The following THUMPD3 variants were observed in gnomAD, a reference collection of about 807,000 sequenced individuals.
THUMPD3 encodes the protein tRNA (guanine(6)-N(2))-methyltransferase THUMP3.
Under a neutral mutation model 54.5 loss-of-function variants are expected in THUMPD3, and 44 were observed. That is an observed-to-expected ratio of 0.81 (90% CI 0.63 to 1.04). THUMPD3 has a LOEUF of 1.04. Ranked by LOEUF, THUMPD3 falls within the 50% of genes least tolerant of loss-of-function variation. The pLI, the probability that THUMPD3 is intolerant of heterozygous loss-of-function variation, is 0.00. For missense variants in THUMPD3, 604 were observed against 601.3 expected, an observed-to-expected ratio of 1.00 and a Z score of -0.05; for synonymous variants, 196 against 201.4, an observed-to-expected ratio of 0.97 and a Z score of 0.23.
At chr3:9,367,379 CTT>C (rs1559299685) in intron 3 of THUMPD3, among the ~76,000 whole-genome samples, 2 of 152,192 alleles carry the variant, frequency 1.3e-5, no homozygotes, top group African/African-American at 4.8e-5. Context: ...GCTTTCTTCT[CTT>C]TCTTCATTTT....
At chr3:9,380,437 T>C (rs879798607) in intron 6 of THUMPD3, 66 bp from the exon 7 acceptor site, 17 of 1,099,190 alleles carry the variant, frequency 1.5e-5, no homozygotes, top group Admixed American at 2.0e-5. Context: ...TTTCTTTGTT[T>C]GTTGACAATT....
chr3:9,384,057 C>T (rs1399043648), intron 8 of THUMPD3, among the ~76,000 whole-genome samples, 155 bp from the exon 9 acceptor site: 1 of 152,174 alleles, frequency 6.6e-6, no homozygotes, highest in African/African-American at 2.4e-5. Context: ...TTTACTAACT[C>T]AACTTATTTC....
chr3:9,366,855 C>A, intron 2 of THUMPD3, 53 bp from the exon 3 acceptor site: 1 of 1,409,364 alleles, frequency 7.1e-7, no homozygotes, highest in South Asian at 1.2e-5. Context: ...TTGTTGATAG[C>A]TTGTGCTGTT....
At chr3:9,375,662 T>G (rs527599124) in intron 5 of THUMPD3, among the ~76,000 whole-genome samples, 1 of 152,362 alleles carries the variant, frequency 6.6e-6, no homozygotes, top group East Asian at 1.9e-4. Context: ...AGGGATACAT[T>G]CTGAAAAATG....
intron 3 of THUMPD3, among the ~76,000 whole-genome samples, chr3:9,369,650 T>C (rs1440111424): frequency 1.3e-5 from 2 of 152,224 alleles, no homozygotes; most frequent in Non-Finnish European, 2.9e-5. Context: ...ACTCCATTGT[T>C]TGGCTGTATA....
intron 1 of THUMPD3, chr3:9,363,577 C>G (rs889383238): frequency 6.6e-6 from 1 of 152,052 alleles, no homozygotes; most frequent in African/African-American, 2.4e-5. Flanking sequence ...TTGAAAATCT[C>G]GTGTAAGCTA....
intron 1 of THUMPD3, 152 bp downstream of exon 1, chr3:9,363,279 G>A (rs1188711179): frequency 6.6e-6 from 1 of 152,228 alleles, no homozygotes; most frequent in East Asian, 1.9e-4. Flanking sequence ...CCCTCTCCCA[G>A]GCCTTTACCC....
chr3:9,378,642 G>A (rs2032652788), intron 6 of THUMPD3, among the ~76,000 whole-genome samples: 1 of 152,248 alleles, frequency 6.6e-6, no homozygotes, highest in South Asian at 2.1e-4. Context: ...AAACTGGACA[G>A]ATGAGCAAGT....
intron 7 of THUMPD3, among the ~76,000 whole-genome samples, chr3:9,381,849 G>C (rs1254333485): frequency 8.0e-6 from 1 of 124,454 alleles, no homozygotes; most frequent in South Asian, 2.8e-4. Flanking sequence ...GCTTGATCTC[G>C]GCTCACTGCA....
intron 4 of THUMPD3, among the ~76,000 whole-genome samples, chr3:9,373,680 A>G (rs1243081435): frequency 6.6e-6 from 1 of 152,206 alleles, no homozygotes. Context: ...AAGCTCAGGA[A>G]GTCTTTCAGT....
chr3:9,367,133 T>C, intron 3 of THUMPD3, 148 bp downstream of exon 3: 1 of 571,342 alleles, frequency 1.8e-6, no homozygotes, highest in Non-Finnish European at 3.0e-6. Flanking sequence ...TCTAGAGTTT[T>C]GCTGACAGTC....
intron 3 of THUMPD3, among the ~76,000 whole-genome samples, chr3:9,369,275 A>C (rs1217611168): frequency 8.0e-6 from 1 of 124,832 alleles, no homozygotes; most frequent in Non-Finnish European, 1.6e-5. Context: ...ACGCCACTGC[A>C]CTCTAGTCTG....
rs747115831 is a variant in THUMPD3, at chr3:9,365,229, A to G, written c.161A>G (p.Asp54Gly). 1 of 1,614,256 alleles carries G rather than the reference A, an allele frequency of 6.2e-7. No homozygotes were observed. Among genetic ancestry groups the G allele is most frequent in the Non-Finnish European group, 8.5e-7 (1 of 1,180,048 alleles). ...ACTGGCTTTGAGCAAACAGCTGCAG[A>G]TGAAGTCAGAGAGAAACTTGGGTCA... Reference protein sequence around the residue: ...VPTGFEQTAADEVREKLGSSC... With the variant: ...VPTGFEQTAAGEVREKLGSSC... Residue 54 changes from aspartate to glycine, a missense_variant, in exon 2 of 10, where the codon GAT becomes GGT. Transcript: ENST00000452837.
intron 3 of THUMPD3, among the ~76,000 whole-genome samples, chr3:9,367,623 A>C (rs2031666536): frequency 6.6e-6 from 1 of 152,244 alleles, no homozygotes; most frequent in African/African-American, 2.4e-5. Flanking sequence ...TCTTAGAAAT[A>C]ATCTTTTTAA....
intron 6 of THUMPD3, among the ~76,000 whole-genome samples, chr3:9,378,757 G>C (rs1280472911): frequency 6.6e-6 from 1 of 152,196 alleles, no homozygotes; most frequent in East Asian, 1.9e-4. Context: ...GTCTACATGT[G>C]ACTGTGTTCC....
chr3:9,374,376 T>C, intron 4 of THUMPD3, 140 bp from the exon 5 acceptor site: 1 of 946,340 alleles, frequency 1.1e-6, no homozygotes, highest in Non-Finnish European at 1.6e-6. Context: ...AAGTTTGGCA[T>C]CAATATGGTG....
chr3:9,363,812 T>A (rs929714274), intron 1 of THUMPD3: 1 of 144,880 alleles, frequency 6.9e-6, no homozygotes, highest in Non-Finnish European at 1.5e-5. Flanking sequence ...TTTTCTTTTT[T>A]TTTTTTTTTT....
intron 6 of THUMPD3, among the ~76,000 whole-genome samples, chr3:9,379,495 C>T (rs991337953): frequency 2.0e-5 from 3 of 152,264 alleles, no homozygotes; most frequent in South Asian, 2.1e-4. Flanking sequence ...AGACCTTTCC[C>T]GGCTTTCGTG....
intron 4 of THUMPD3, among the ~76,000 whole-genome samples, chr3:9,372,872 G>T (rs984114319): frequency 6.6e-6 from 1 of 152,180 alleles, no homozygotes; most frequent in East Asian, 1.9e-4. Context: ...TGGGACACTT[G>T]AATCTGGGGC....
Sources: gnomAD v4.1 joint callset for allele counts (sites outside exome capture counted in the v4.1 genomes callset) on GRCh38, gnomAD v4.1.1 for gene constraint, MANE v1.5 for transcripts, NCBI Gene and HGNC (gene_info 2026-07-23, HGNC 2026-07-21) for gene names.